The following KCTD8 variants were observed in gnomAD, a reference collection of about 807,000 sequenced individuals.
The protein encoded by KCTD8 is BTB/POZ domain-containing protein KCTD8.
A neutral mutation model predicts 31.5 loss-of-function variants in KCTD8; 27 were observed. That is an observed-to-expected ratio of 0.86 (90% CI 0.63 to 1.18). The LOEUF is 1.18. KCTD8 is among the 50% of genes most tolerant of loss of function. KCTD8 has a pLI of 0.00. For synonymous variants in KCTD8, 290 were observed against 280.0 expected (o/e 1.04, Z -0.36); for missense variants, 658 against 647.7 (o/e 1.02, Z -0.17).
chr4:44,310,632 T>A (rs889377381), intron 1 of KCTD8, among the ~76,000 whole-genome samples: 1 of 152,096 alleles, frequency 6.6e-6, no homozygotes, highest in African/African-American at 2.4e-5. Context: ...TAACATTAAT[T>A]CACTACAAGA....
At chr4:44,412,526 G>A (rs1451805950) in intron 1 of KCTD8, among the ~76,000 whole-genome samples, 1 of 152,140 alleles carries the variant, frequency 6.6e-6, no homozygotes, top group Non-Finnish European at 1.5e-5. Flanking sequence ...AAGATACTAT[G>A]CAATACCTTT....
intron 1 of KCTD8, among the ~76,000 whole-genome samples, chr4:44,198,035 C>A (rs1339557965): frequency 1.3e-5 from 2 of 151,874 alleles, no homozygotes; most frequent in African/African-American, 4.8e-5. Context: ...CAGATTAGAC[C>A]AAACCCAGGA....
chr4:44,439,470 G>C (rs971470084), intron 1 of KCTD8, among the ~76,000 whole-genome samples: 3 of 152,132 alleles, frequency 2.0e-5, no homozygotes, highest in Non-Finnish European at 4.4e-5. Flanking sequence ...AACTAGTTAA[G>C]TGTCCAGTTA....
intron 1 of KCTD8, among the ~76,000 whole-genome samples, chr4:44,262,385 A>G (rs189041870): frequency 6.6e-6 from 1 of 152,188 alleles, no homozygotes; most frequent in East Asian, 1.9e-4. Context: ...CCAAGAGAGA[A>G]AATTGTTGAC....
chr4:44,232,868 T>C (rs2109353227), intron 1 of KCTD8, among the ~76,000 whole-genome samples: 1 of 152,140 alleles, frequency 6.6e-6, no homozygotes, highest in East Asian at 1.9e-4. Flanking sequence ...TCTAGAAATG[T>C]GGACATAAAT....
intron 1 of KCTD8, among the ~76,000 whole-genome samples, chr4:44,266,924 G>C (rs1166000092): frequency 0.031 from 4,703 of 151,800 alleles, 258 homozygotes; most frequent in African/African-American, 0.11. Context: ...AAGAGACTTA[G>C]ACTCCCACAC....
At chr4:44,351,523 T>C (rs904058951) in intron 1 of KCTD8, among the ~76,000 whole-genome samples, 2 of 152,152 alleles carry the variant, frequency 1.3e-5, no homozygotes, top group Non-Finnish European at 2.9e-5. Context: ...TTTTAAATTA[T>C]ATATTCATGG....
At position 44,448,701 on chromosome 4, in the gene KCTD8, A is replaced by G. The variant is rs923768609; in HGVS notation, c.-178T>C. 7.5e-6 allele frequency: 4 copies of G among 531,662 alleles called. No homozygotes were observed. The highest frequency in any genetic ancestry group is 1.1e-5 in the Non-Finnish European group (4 of 349,708). The allele number at this position is 531,662 out of a possible 1,614,324, so 32.9% of individuals were successfully genotyped here. On this transcript the variant is annotated 5_prime_UTR_variant, in exon 1 of 2. Transcript: ENST00000360029. The surrounding 1 kb of genome is among the most constrained non-coding windows in gnomAD (Gnocchi z 4.1). Reference sequence around the variant, plus strand: ...GCAGCGGCGGCGTCGGCGGCGCCCGAGCTCCATCGGAGGAGAGACGCGCGA... The same window carrying G: ...GCAGCGGCGGCGTCGGCGGCGCCCGGGCTCCATCGGAGGAGAGACGCGCGA...
chr4:44,199,143 T>C (rs1053496540), intron 1 of KCTD8, among the ~76,000 whole-genome samples: 9 of 151,988 alleles, frequency 5.9e-5, no homozygotes, highest in Admixed American at 4.6e-4. Flanking sequence ...GCACCCAGAT[T>C]CACAAAACAA....
chr4:44,265,709 G>C (rs976275614), intron 1 of KCTD8, among the ~76,000 whole-genome samples: 59 of 152,170 alleles, frequency 3.9e-4, no homozygotes, highest in African/African-American at 1.4e-3. Flanking sequence ...GGAGCTGATG[G>C]AGCTGAAAGC....
At chr4:44,261,331 A>T (rs1716159023) in intron 1 of KCTD8, among the ~76,000 whole-genome samples, 1 of 151,968 alleles carries the variant, frequency 6.6e-6, no homozygotes, top group Admixed American at 6.6e-5. Context: ...TCAAGTCTTA[A>T]TTTCAGCAGC....
At chr4:44,358,038 T>C (rs994376197) in intron 1 of KCTD8, among the ~76,000 whole-genome samples, 2 of 152,020 alleles carry the variant, frequency 1.3e-5, no homozygotes, top group African/African-American at 4.8e-5. Flanking sequence ...CCTAATGTTA[T>C]CCCTCCCCTA....
intron 1 of KCTD8, among the ~76,000 whole-genome samples, chr4:44,413,229 T>G (rs1721000141): frequency 6.6e-6 from 1 of 152,312 alleles, no homozygotes; most frequent in South Asian, 2.1e-4. Flanking sequence ...TCAAGTAGCA[T>G]CAGTACATCT....
At chr4:44,350,661 T>A (rs967677954) in intron 1 of KCTD8, among the ~76,000 whole-genome samples, 3 of 152,122 alleles carry the variant, frequency 2.0e-5, no homozygotes, top group Non-Finnish European at 2.9e-5. Flanking sequence ...AAAGATATAT[T>A]TTTTTAAAAT....
chr4:44,411,455 T>G (rs370263014), intron 1 of KCTD8, among the ~76,000 whole-genome samples: 4 of 152,146 alleles, frequency 2.6e-5, no homozygotes, highest in African/African-American at 9.6e-5. Context: ...AATCATTATT[T>G]GTGATCTCCT....
intron 1 of KCTD8, among the ~76,000 whole-genome samples, chr4:44,364,242 GA>G (rs1265553180): frequency 4.0e-5 from 6 of 151,668 alleles, no homozygotes; most frequent in Admixed American, 3.9e-4. Flanking sequence ...AGTAGGAAAA[GA>G]AAAAAAGCCT....
intron 1 of KCTD8, among the ~76,000 whole-genome samples, chr4:44,316,702 G>A (rs972040096): frequency 7.0e-6 from 1 of 142,544 alleles, no homozygotes; most frequent in Non-Finnish European, 1.5e-5. Flanking sequence ...TGTAATCCCA[G>A]CACTTTGGGA....
At chr4:44,310,432 T>C (rs1209751682) in intron 1 of KCTD8, among the ~76,000 whole-genome samples, 2 of 152,066 alleles carry the variant, frequency 1.3e-5, no homozygotes, top group Non-Finnish European at 2.9e-5. Context: ...AAAATAAAAA[T>C]ACAGATTTTT....
At chr4:44,394,938 TTTTC>T (rs1348554829) in intron 1 of KCTD8, among the ~76,000 whole-genome samples, 8 of 152,118 alleles carry the variant, frequency 5.3e-5, no homozygotes, top group Admixed American at 3.3e-4. Flanking sequence ...TTATCAAGGC[TTTTC>T]CTTCATGATG....
Sources: allele counts gnomAD v4.1 joint callset (sites outside exome capture counted in the v4.1 genomes callset), GRCh38; gene constraint gnomAD v4.1.1; non-coding constraint Gnocchi (gnomAD v3.1); transcripts MANE v1.5; gene names NCBI Gene and HGNC (gene_info 2026-07-23, HGNC 2026-07-21).